MAPK10: variants seen among roughly 807,000 people sequenced by gnomAD.
MAPK10 encodes mitogen-activated protein kinase 10.
A neutral mutation model predicts 59.3 loss-of-function variants in MAPK10; 25 were observed. The observed-to-expected ratio is 0.42, with a 90% CI of 0.31 to 0.59. MAPK10 has a LOEUF of 0.59. Ranked by LOEUF, MAPK10 falls within the 20% of genes least tolerant of loss-of-function variation. MAPK10 has a pLI of 0.15. For synonymous variants in MAPK10, 190 were observed against 200.5 expected, an observed-to-expected ratio of 0.95 and a Z score of 0.44; for missense variants, 351 against 568.9, an observed-to-expected ratio of 0.62 and a Z score of 3.90.
At chr4:86,090,049 A>C (rs1219554709) in intron 9 of MAPK10, among the ~76,000 whole-genome samples, 2 of 152,166 alleles carry the variant, frequency 1.3e-5, no homozygotes, top group Non-Finnish European at 2.9e-5. Context: ...TGTTATTGCC[A>C]AGTATCATCC....
intron 2 of MAPK10, among the ~76,000 whole-genome samples, chr4:86,238,103 TC>T (rs2092417002): frequency 6.6e-6 from 1 of 152,212 alleles, no homozygotes; most frequent in South Asian, 2.1e-4. Context: ...GAATAGAAGA[TC>T]CTTTCCCCAT....
At chr4:86,589,211 A>G (rs1320369632) in intron 1 of MAPK10, among the ~76,000 whole-genome samples, 1 of 152,234 alleles carries the variant, frequency 6.6e-6, no homozygotes, top group Non-Finnish European at 1.5e-5. Flanking sequence ...AGAAAATTAT[A>G]ACTGTAATGA....
rs537979686 is a variant in MAPK10 at position 86,393,140 on chromosome 4, C to T, written c.-121-38496G>A. ...TCAAATTTAAATGTATTGATAAAAACAGGCATATCTTGACTTGTCCTCAAG... is the reference window on the plus strand; with the variant it reads ...TCAAATTTAAATGTATTGATAAAAATAGGCATATCTTGACTTGTCCTCAAG... On this transcript the variant is annotated intron_variant, in intron 1 of 13. Transcript: ENST00000361569. Among the ~76,000 whole-genome samples, 6 of 152,214 alleles carry T rather than the reference C, an allele frequency of 3.9e-5. No homozygotes were observed. The South Asian group carries it at 1.2e-3, about 32-fold the overall frequency.
chr4:86,409,479 A>G (rs1744842091), intron 1 of MAPK10, among the ~76,000 whole-genome samples: 1 of 152,156 alleles, frequency 6.6e-6, no homozygotes, highest in African/African-American at 2.4e-5. Context: ...TGAATCTATG[A>G]ATTACCTTGA....
chr4:86,502,852 C>G (rs1017010101), intron 1 of MAPK10, among the ~76,000 whole-genome samples: 1 of 152,058 alleles, frequency 6.6e-6, no homozygotes, highest in African/African-American at 2.4e-5. Flanking sequence ...AAATTTACCA[C>G]CAACACCTCA....
chr4:86,586,710 A>G (rs1463495592), intron 1 of MAPK10, among the ~76,000 whole-genome samples: 1 of 152,184 alleles, frequency 6.6e-6, no homozygotes, highest in Non-Finnish European at 1.5e-5. Context: ...GCACCTGGAA[A>G]ATCAAGTAAG....
intron 4 of MAPK10, among the ~76,000 whole-genome samples, chr4:86,137,131 C>A (rs2062380925): frequency 6.6e-6 from 1 of 150,710 alleles, no homozygotes; most frequent in African/African-American, 2.5e-5. Context: ...ATCAACGAGA[C>A]AGAAGGTCAA....
intron 2 of MAPK10, among the ~76,000 whole-genome samples, chr4:86,339,807 T>C (rs1418685299): frequency 2.6e-5 from 4 of 152,232 alleles, no homozygotes; most frequent in Non-Finnish European, 5.9e-5. Flanking sequence ...AAGTATTTGC[T>C]ATTATAATTA....
intron 1 of MAPK10, among the ~76,000 whole-genome samples, chr4:86,372,081 T>G (rs1420439949): frequency 6.6e-6 from 1 of 152,196 alleles, no homozygotes; most frequent in African/African-American, 2.4e-5. Context: ...AGAATATACA[T>G]TCTTCTCAGC....
Position 86,101,236 on chromosome 4 carries a change from G to GA in MAPK10, c.565-20dup. 1 of 1,602,142 alleles carries GA rather than the reference G, an allele frequency of 6.2e-7. No homozygotes were observed. The highest frequency in any genetic ancestry group is 8.5e-7 in the Non-Finnish European group (1 of 1,170,924). The stretch of plus-strand genomic sequence containing the variant: ...TTAAATCCTAACAGTAAGGATAAGG[G>GA]AAAAAATTAAAAGCCAGTATCAAGT... On this transcript the variant is annotated intron_variant, in intron 7 of 13. Transcript: ENST00000641462.
In MAPK10 at chr4:86,014,338, G is replaced by GTA. The variant is rs1742454949; in HGVS notation, c.*2889_*2890insTA. The GTA allele has an allele frequency of 7.7e-6, 1 of 129,896 alleles. No individual in the cohort carries two copies. The highest frequency in any genetic ancestry group is 7.4e-5 in the Admixed American group (1 of 13,596). The allele number at this position is 129,896 out of a possible 1,614,324, so 8.0% of individuals were successfully genotyped here. Reference sequence around the variant, plus strand: ...TGTGTGTGTGTGTGTGTGTGTGTGTGTGTGTGTTAAGACAGACAAGTGAAT... The same window carrying GTA: ...TGTGTGTGTGTGTGTGTGTGTGTGTGTATGTGTGTTAAGACAGACAAGTGAAT... On this transcript the variant is annotated 3_prime_UTR_variant, in exon 14 of 14. Coordinates refer to ENST00000641462, the MANE Select transcript of MAPK10 (RefSeq NM_138982.4).
intron 11 of MAPK10, among the ~76,000 whole-genome samples, chr4:86,035,548 A>C (rs2148927350): frequency 6.6e-6 from 1 of 152,056 alleles, no homozygotes. Flanking sequence ...CTATAAAAAA[A>C]TATTGAAAGT....
At chr4:86,314,659 A>G (rs566779006) in intron 2 of MAPK10, among the ~76,000 whole-genome samples, 4 of 152,308 alleles carry the variant, frequency 2.6e-5, no homozygotes, top group African/African-American at 7.2e-5. Flanking sequence ...TGTACATTTA[A>G]GATACATGAC....
intron 4 of MAPK10, among the ~76,000 whole-genome samples, chr4:86,129,672 C>T (rs1173037762): frequency 1.3e-5 from 2 of 152,156 alleles, no homozygotes; most frequent in Non-Finnish European, 2.9e-5. Context: ...GTACTCTCTA[C>T]CTTTTTCCTG....
chr4:86,047,760 G>A (rs894591728), intron 11 of MAPK10, among the ~76,000 whole-genome samples: 30 of 152,160 alleles, frequency 2.0e-4, no homozygotes, highest in African/African-American at 5.3e-4. Context: ...TGCAAGCCAT[G>A]ATAAGTACTT....
At chr4:86,533,391 T>C (rs894081259) in intron 1 of MAPK10, among the ~76,000 whole-genome samples, 27 of 152,146 alleles carry the variant, frequency 1.8e-4, no homozygotes, top group Non-Finnish European at 2.6e-4. Context: ...TTAAAAAAGA[T>C]TAAAATGGTA....
chr4:86,127,158 T>C lies in MAPK10; in HGVS notation c.237-19806A>G, dbSNP rs1362661538. Among the ~76,000 whole-genome samples, 4 of 147,284 alleles carry C rather than the reference T, an allele frequency of 2.7e-5. No individual in the cohort carries two copies. The East Asian group carries it at 6.0e-4, about 22-fold the overall frequency. On this transcript the variant is annotated intron_variant, in intron 4 of 13. Coordinates refer to ENST00000641462, the MANE Select transcript of MAPK10 (RefSeq NM_138982.4). ...AACACAACATGAATAAAATAACTAA[T>C]AGAATTCACCTCATAAAGTTGTTAG...
chr4:86,190,673 T>C (rs113948408), intron 3 of MAPK10, among the ~76,000 whole-genome samples: 7,073 of 149,726 alleles, frequency 0.047, 212 homozygotes, highest in African/African-American at 0.074. Context: ...TCTATCTATT[T>C]TGTTAACCTT....
At chr4:86,144,997 A>C (rs567241046) in intron 4 of MAPK10, among the ~76,000 whole-genome samples, 10 of 152,042 alleles carry the variant, frequency 6.6e-5, no homozygotes, top group East Asian at 3.9e-4. Flanking sequence ...ACCAAAAAAA[A>C]CCCAAAAAAA....
Sources: gnomAD v4.1 joint callset for allele counts (sites outside exome capture counted in the v4.1 genomes callset) on GRCh38, gnomAD v4.1.1 for gene constraint, MANE v1.5 for transcripts, NCBI Gene and HGNC (gene_info 2026-07-23, HGNC 2026-07-21) for gene names.